The following FARS2 variants were observed in gnomAD, a reference collection of about 807,000 sequenced individuals.
FARS2 encodes phenylalanine--tRNA ligase, mitochondrial.
Under a neutral mutation model 46.4 loss-of-function variants are expected in FARS2, and 40 were observed. The observed-to-expected ratio is 0.86, with a 90% confidence interval of 0.67 to 1.12. FARS2 has a LOEUF of 1.12. Ranked by LOEUF, FARS2 falls within the 50% of genes most tolerant of loss-of-function variation. FARS2 has a pLI of 0.00. For synonymous variants in FARS2, 234 were observed against 214.9 expected (o/e 1.09, Z -0.78); for missense variants, 513 against 567.9 (o/e 0.90, Z 0.98).
At chr6:5,334,029 T>C (rs192624275) in intron 1 of FARS2, among the ~76,000 whole-genome samples, 1 of 152,348 alleles carries the variant, frequency 6.6e-6, no homozygotes, top group Admixed American at 6.5e-5. Flanking sequence ...TTTGGAAATG[T>C]ATTTATGTTT....
intron 4 of FARS2, among the ~76,000 whole-genome samples, chr6:5,453,057 C>T (rs447278): frequency 0.41 from 62,227 of 151,866 alleles, 13,217 homozygotes; most frequent in East Asian, 0.56. Context: ...GGATTAATTG[C>T]CTTGGTTTGG....
intron 5 of FARS2, among the ~76,000 whole-genome samples, 187 bp from the exon 6 acceptor site, chr6:5,612,982 C>G (rs1167047995): frequency 6.6e-6 from 1 of 152,112 alleles, no homozygotes; most frequent in Non-Finnish European, 1.5e-5. Context: ...CTGTAATATT[C>G]ATAATGGAAT....
chr6:5,427,536 G>C (rs1762920800), intron 3 of FARS2, among the ~76,000 whole-genome samples: 2 of 152,084 alleles, frequency 1.3e-5, no homozygotes, highest in African/African-American at 2.4e-5. Flanking sequence ...AGGATCTCAG[G>C]GGGTAAAAAG....
At chr6:5,588,090 TCGAG>T (rs1773715907) in intron 5 of FARS2, among the ~76,000 whole-genome samples, 1 of 152,050 alleles carries the variant, frequency 6.6e-6, no homozygotes, top group Non-Finnish European at 1.5e-5. Context: ...CTCTTCATAA[TCGAG>T]TTTCCCCTTA....
At chr6:5,642,200 ATC>A (rs1776855751) in intron 6 of FARS2, among the ~76,000 whole-genome samples, 1 of 152,180 alleles carries the variant, frequency 6.6e-6, no homozygotes, top group Admixed American at 6.5e-5. Context: ...GTGTATATGT[ATC>A]TGCATACACA....
intron 2 of FARS2, among the ~76,000 whole-genome samples, chr6:5,386,426 T>C (rs1760137784): frequency 6.6e-6 from 1 of 152,164 alleles, no homozygotes. Context: ...TACTAAATTT[T>C]AAGGGGCCAG....
At position 5,367,298 on chromosome 6, in the gene FARS2, T is replaced by TG. The variant is rs543896740; in HGVS notation, c.-21-1252_-21-1251insG. On this transcript the variant is annotated intron_variant, in intron 1 of 6. Transcript: ENST00000274680. ...CGGCCCTTGAAGTAAAACAGCCACA[T>TG]AGTTGTATGCTTTAAAATAGCCCGG... 4.1e-3 allele frequency among the ~76,000 whole-genome samples: 632 copies of TG among 152,364 alleles called. 3 individuals are homozygous for TG. The highest frequency in any genetic ancestry group is 0.014 in the Middle Eastern group (4 of 294).
At position 5,419,790 on chromosome 6, in the gene FARS2, A is replaced by G. The variant is rs1762442547; in HGVS notation, c.773-11251A>G. Among the ~76,000 whole-genome samples, 3 of 152,184 alleles carry G rather than the reference A, an allele frequency of 2.0e-5. No individual in the cohort carries two copies. In the South Asian group the frequency reaches 6.2e-4, roughly 32 times the overall value. Reference sequence around the variant, plus strand: ...TATCCCATCCCAGCCTCTGACTTGAAGCTTTTTGCCTCCCTCCTGCCCCAA... The same window carrying G: ...TATCCCATCCCAGCCTCTGACTTGAGGCTTTTTGCCTCCCTCCTGCCCCAA... On this transcript the variant is annotated intron_variant, in intron 3 of 6. Coordinates refer to ENST00000274680, the MANE Select transcript of FARS2 (RefSeq NM_006567.5).
At position 5,557,954 on chromosome 6, in the gene FARS2, T is replaced by C. The variant is rs182532889; in HGVS notation, c.1065+12614T>C. Among the ~76,000 whole-genome samples the C allele has an allele frequency of 7.9e-5, 12 of 152,124 alleles. No individual in the cohort carries two copies. The East Asian group carries it at 2.3e-3, about 29-fold the overall frequency. ...CATTCAACTGACTTAACTATATTGG[T>C]CAAAAGGAAAAGGGCTGAAATACTA... On this transcript the variant is annotated intron_variant, in intron 5 of 6. Transcript: ENST00000274680.
At chr6:5,260,690 G>T (rs768210600), upstream of FARS2, 7 of 1,547,846 alleles carry the variant, frequency 4.5e-6, no homozygotes, top group African/African-American at 1.4e-5. Flanking sequence ...TCTCAGCATC[G>T]CCCGGTACAG....
chr6:5,277,625 A>G (rs1766428819), intron 1 of FARS2, among the ~76,000 whole-genome samples: 1 of 152,214 alleles, frequency 6.6e-6, no homozygotes, highest in Non-Finnish European at 1.5e-5. Context: ...GGGTGCTGGC[A>G]ATTTCAAAAC....
intron 1 of FARS2, among the ~76,000 whole-genome samples, chr6:5,355,827 T>G (rs1379790094): frequency 6.6e-6 from 1 of 152,226 alleles, no homozygotes; most frequent in Non-Finnish European, 1.5e-5. Context: ...TTCTCTTCCT[T>G]GGAGACACCT....
intron 5 of FARS2, among the ~76,000 whole-genome samples, chr6:5,582,679 T>A: frequency 6.6e-6 from 1 of 152,258 alleles, no homozygotes; most frequent in African/African-American, 2.4e-5. Flanking sequence ...GTGTATATAC[T>A]GATGTAAAAC....
chr6:5,506,935 C>T (rs772945909), intron 4 of FARS2, among the ~76,000 whole-genome samples: 1 of 152,178 alleles, frequency 6.6e-6, no homozygotes, highest in Non-Finnish European at 1.5e-5. Context: ...AAGACTGCCC[C>T]CTTTCCTGGA....
At chr6:5,392,361 T>G (rs1760573111) in intron 2 of FARS2, among the ~76,000 whole-genome samples, 1 of 152,204 alleles carries the variant, frequency 6.6e-6, no homozygotes, top group Admixed American at 6.5e-5. Context: ...TTTCAGGGTT[T>G]TGAAAACTTT....
At chr6:5,644,895 C>G (rs1374035804) in intron 6 of FARS2, among the ~76,000 whole-genome samples, 20 of 152,190 alleles carry the variant, frequency 1.3e-4, no homozygotes, top group Admixed American at 1.3e-3. Flanking sequence ...GATACGTTTA[C>G]AAATGGGAAT....
intron 6 of FARS2, among the ~76,000 whole-genome samples, chr6:5,750,876 C>A (rs1452776951): frequency 6.6e-6 from 1 of 152,098 alleles, no homozygotes; most frequent in Non-Finnish European, 1.5e-5. Context: ...TCATGGTCAA[C>A]CCCTTCTTTT....
At chr6:5,531,577 A>G (rs889158202) in intron 4 of FARS2, among the ~76,000 whole-genome samples, 2 of 152,204 alleles carry the variant, frequency 1.3e-5, no homozygotes, top group Non-Finnish European at 2.9e-5. Flanking sequence ...TCTCATCCAC[A>G]GTCTGCTCTG....
chr6:5,315,738 T>TTTCTTTCTTCCTTTCTTTCTTTCTTTC, intron 1 of FARS2, among the ~76,000 whole-genome samples: 5 of 125,154 alleles, frequency 4.0e-5, no homozygotes, highest in African/African-American at 9.5e-5. Context: ...TTCTTTCTTT[T>TTTCTTTCTTCCTTTCTTTCTTTCTTTC]TTCCTTTCTT....
Sources: allele counts gnomAD v4.1 joint callset (sites outside exome capture counted in the v4.1 genomes callset), GRCh38; gene constraint gnomAD v4.1.1; transcripts MANE v1.5; gene names NCBI Gene and HGNC (gene_info 2026-07-23, HGNC 2026-07-21).